RBFOX1: variants seen among roughly 807,000 people sequenced by gnomAD.
The protein encoded by RBFOX1 is RNA binding fox-1 homolog 1.
RBFOX1 carries 8 observed loss-of-function variants against 57.7 expected under a neutral mutation model. The ratio of observed to expected loss-of-function variants is 0.14; its 90% confidence interval spans 0.08 to 0.25. The LOEUF (loss-of-function observed/expected upper bound fraction) is 0.25. Among genes scored for constraint, RBFOX1 ranks in the 10% least tolerant of loss-of-function variants. RBFOX1 has a pLI of 1.00. For synonymous variants in RBFOX1, 326 were observed against 222.4 expected (o/e 1.47, Z -4.15); for missense variants, 611 against 548.5 (o/e 1.11, Z -1.14).
At chr16:5,807,060 C>T (rs2055253747) in intron 3 of RBFOX1, among the ~76,000 whole-genome samples, 1 of 152,180 alleles carries the variant, frequency 6.6e-6, no homozygotes, top group African/African-American at 2.4e-5. Flanking sequence ...GAGCCTGGCC[C>T]AGTGGGAAGA....
In RBFOX1 at chr16:7,190,864, C is replaced by G. The variant is rs9930332; in HGVS notation, c.27+138766C>G. ...GACGCACATGATGAACAAGGATTGACTATTCTTCAGAGGATGTTAACTGTT... is the reference window on the plus strand; with the variant it reads ...GACGCACATGATGAACAAGGATTGAGTATTCTTCAGAGGATGTTAACTGTT... On this transcript the variant is annotated intron_variant, in intron 4 of 15. Transcript: ENST00000550418. 8.9e-3 allele frequency among the ~76,000 whole-genome samples: 1,357 copies of G among 152,268 alleles called. 15 individuals carry two copies. Among genetic ancestry groups the G allele is most frequent in the African/African-American group, 0.031 (1,290 of 41,554 alleles).
At chr16:7,231,661 A>T (rs1049348467) in intron 4 of RBFOX1, among the ~76,000 whole-genome samples, 1 of 152,220 alleles carries the variant, frequency 6.6e-6, no homozygotes, top group Admixed American at 6.5e-5. Context: ...TAAATTTATC[A>T]ATAAATAAAT....
At chr16:7,708,242 C>T (rs2148538804) in intron 14 of RBFOX1, among the ~76,000 whole-genome samples, 1 of 150,540 alleles carries the variant, frequency 6.6e-6, no homozygotes, top group Admixed American at 6.6e-5. Flanking sequence ...TCACTTGATT[C>T]CTTTAAAAAA....
At chr16:5,896,139 C>T (rs1019855623) in intron 4 of RBFOX1, among the ~76,000 whole-genome samples, 1 of 152,062 alleles carries the variant, frequency 6.6e-6, no homozygotes, top group Non-Finnish European at 1.5e-5. Context: ...GGAATCTGAT[C>T]CTGGATGGAT....
chr16:7,303,157 T>C (rs2096073325), intron 4 of RBFOX1, among the ~76,000 whole-genome samples: 1 of 152,204 alleles, frequency 6.6e-6, no homozygotes, highest in Non-Finnish European at 1.5e-5. Flanking sequence ...GTTGCTCTCA[T>C]TGAACAGCTC....
chr16:6,426,216 C>T (rs562117780), intron 2 of RBFOX1, among the ~76,000 whole-genome samples: 18 of 151,962 alleles, frequency 1.2e-4, no homozygotes, highest in African/African-American at 4.1e-4. Context: ...TTCCCTCTCC[C>T]TGTCTATGCA....
intron 7 of RBFOX1, among the ~76,000 whole-genome samples, chr16:7,590,965 A>T (rs2094415254): frequency 6.6e-6 from 1 of 152,066 alleles, no homozygotes; most frequent in African/African-American, 2.4e-5. Context: ...GTAAGACAGA[A>T]GTACTTCCTG....
chr16:5,637,546 G>C (rs530753442), intron 3 of RBFOX1, among the ~76,000 whole-genome samples: 1 of 152,190 alleles, frequency 6.6e-6, no homozygotes, highest in African/African-American at 2.4e-5. Context: ...TGAACACCTA[G>C]TGTATCCTCA....
At chr16:6,548,566 G>C (rs1187461869) in intron 2 of RBFOX1, among the ~76,000 whole-genome samples, 2 of 152,172 alleles carry the variant, frequency 1.3e-5, no homozygotes, top group East Asian at 3.9e-4. Flanking sequence ...GGTAGTCACA[G>C]GGATGACAAA....
At chr16:5,307,664 T>C (rs1260938959) in intron 1 of RBFOX1, among the ~76,000 whole-genome samples, 1 of 152,194 alleles carries the variant, frequency 6.6e-6, no homozygotes, top group African/African-American at 2.4e-5. Flanking sequence ...TAGATTTTAT[T>C]TATTTATGAT....
At chr16:5,602,956 T>C (rs185882244), downstream of RBFOX1, among the ~76,000 whole-genome samples, 1 of 152,226 alleles carries the variant, frequency 6.6e-6, no homozygotes, top group Admixed American at 6.5e-5. Context: ...GGAAATGCTG[T>C]GTCGTTCCTC....
intron 3 of RBFOX1, among the ~76,000 whole-genome samples, chr16:6,734,996 C>G (rs2069741575): frequency 6.6e-6 from 1 of 152,046 alleles, no homozygotes; most frequent in Non-Finnish European, 1.5e-5. Flanking sequence ...TTAAAGTAGC[C>G]TGTTGTGGTA....
rs997945339 is a variant in RBFOX1, at chr16:7,075,755, TA to T, written c.27+23658del. Among the ~76,000 whole-genome samples the T allele has an allele frequency of 1.0e-3, 157 of 152,134 alleles. 1 individual carries two copies. The highest frequency in any genetic ancestry group is 8.8e-4 in the Non-Finnish European group (60 of 67,988). ...GCCACCACGCTCGGCTAATTTTTTT[TA>T]TTTTTAGTAGAGACGGGATTTCACC... On this transcript the variant is annotated intron_variant, in intron 4 of 15. Coordinates refer to ENST00000550418, the MANE Select transcript of RBFOX1 (RefSeq NM_018723.4).
intron 6 of RBFOX1, among the ~76,000 whole-genome samples, 197 bp from the exon 7 acceptor site, chr16:7,587,050 C>T (rs992701433): frequency 3.3e-5 from 5 of 152,074 alleles, no homozygotes; most frequent in African/African-American, 4.8e-5. Flanking sequence ...CAAGCCTTGC[C>T]GGTATATTCC....
intron 4 of RBFOX1, among the ~76,000 whole-genome samples, chr16:5,926,325 A>G (rs2058940037): frequency 6.6e-6 from 1 of 152,168 alleles, no homozygotes; most frequent in South Asian, 2.1e-4. Flanking sequence ...GGTATATTGG[A>G]GAAGGGTTGG....
intron 3 of RBFOX1, among the ~76,000 whole-genome samples, chr16:7,032,410 C>T (rs950294347): frequency 2.0e-5 from 3 of 151,832 alleles, no homozygotes; most frequent in African/African-American, 4.8e-5. Flanking sequence ...CCAGTGCACT[C>T]CAATCTGGGC....
At chr16:6,489,749 A>G (rs1253184543) in intron 2 of RBFOX1, among the ~76,000 whole-genome samples, 1 of 152,022 alleles carries the variant, frequency 6.6e-6, no homozygotes, top group Non-Finnish European at 1.5e-5. Flanking sequence ...CTATTTAAAT[A>G]CTCCTGCAGA....
At chr16:7,551,373 C>T (rs2086471399) in intron 5 of RBFOX1, among the ~76,000 whole-genome samples, 2 of 152,106 alleles carry the variant, frequency 1.3e-5, no homozygotes, top group Non-Finnish European at 2.9e-5. Flanking sequence ...CCTCCAGGGG[C>T]CCCAGCTCAC....
intron 5 of RBFOX1, among the ~76,000 whole-genome samples, chr16:7,564,740 G>T (rs538993559): frequency 1.3e-5 from 2 of 152,170 alleles, no homozygotes; most frequent in East Asian, 3.9e-4. Context: ...CAGACACCTA[G>T]ACAAGGCTGT....
Sources: allele counts gnomAD v4.1 joint callset (sites outside exome capture counted in the v4.1 genomes callset), GRCh38; gene constraint gnomAD v4.1.1; transcripts MANE v1.5; gene names NCBI Gene and HGNC (gene_info 2026-07-23, HGNC 2026-07-21).